The following PHKB variants were observed in gnomAD, a reference collection of about 807,000 sequenced individuals.
PHKB encodes the protein phosphorylase b kinase regulatory subunit beta.
A neutral mutation model predicts 152.1 loss-of-function variants in PHKB; 122 were observed. The observed-to-expected ratio is 0.80, with a 90% CI of 0.69 to 0.93. PHKB has a LOEUF of 0.93. Among genes scored for constraint, PHKB ranks in the 40% least tolerant of loss-of-function variants. The probability of loss-of-function intolerance (pLI) is 0.00; values close to 1 mark genes in which losing one functional copy is unlikely to be tolerated. For missense variants in PHKB, 1,304 were observed against 1,328.4 expected (o/e 0.98, Z 0.29); for synonymous variants, 436 against 464.9 (o/e 0.94, Z 0.80).
intron 6 of PHKB, among the ~76,000 whole-genome samples, chr16:47,546,282 G>A (rs1472265333): frequency 6.6e-6 from 1 of 152,154 alleles, no homozygotes; most frequent in Admixed American, 6.5e-5. Flanking sequence ...TGGTGTGGAT[G>A]TCCTTTTCGT....
At chr16:47,623,090 T>G (rs1972645369) in intron 14 of PHKB, among the ~76,000 whole-genome samples, 1 of 152,088 alleles carries the variant, frequency 6.6e-6, no homozygotes, top group Admixed American at 6.6e-5. Flanking sequence ...ACAATTGAAT[T>G]AATCTCTCTA....
At chr16:47,670,563 CACTGCA>C (rs1445670061) in intron 26 of PHKB, among the ~76,000 whole-genome samples, 2 of 152,148 alleles carry the variant, frequency 1.3e-5, no homozygotes, top group African/African-American at 4.8e-5. Flanking sequence ...GATCTCAGCT[CACTGCA>C]ACTGCCGCCT....
chr16:47,648,475 G>A (rs1973174322), intron 16 of PHKB, 58 bp from the exon 17 acceptor site: 6 of 1,132,172 alleles, frequency 5.3e-6, no homozygotes, highest in Middle Eastern at 2.0e-4. Flanking sequence ...AATACTCAGG[G>A]GTGAGAAAGT....
chr16:47,480,711 C>T (rs897126359), intron 1 of PHKB, among the ~76,000 whole-genome samples: 1 of 152,062 alleles, frequency 6.6e-6, no homozygotes, highest in African/African-American at 2.4e-5. Flanking sequence ...TTTTTTGCTG[C>T]AATAAAATTC....
At chr16:47,499,624 G>A in intron 2 of PHKB, 132 bp from the exon 3 acceptor site, 1 of 1,018,442 alleles carries the variant, frequency 9.8e-7, no homozygotes, top group Non-Finnish European at 1.5e-6. Context: ...ATCTTCAGAA[G>A]TATTGTACTA....
intron 1 of PHKB, among the ~76,000 whole-genome samples, chr16:47,489,106 C>G (rs183083887): frequency 6.6e-6 from 1 of 152,040 alleles, no homozygotes; most frequent in East Asian, 1.9e-4. Context: ...CAGGCTGGAG[C>G]GCAGTGGTGC....
chr16:47,470,804 C>G (rs1969752985), intron 1 of PHKB, among the ~76,000 whole-genome samples: 2 of 152,128 alleles, frequency 1.3e-5, no homozygotes. Flanking sequence ...TTCTAATTAA[C>G]TGATGTTTAT....
intron 7 of PHKB, among the ~76,000 whole-genome samples, chr16:47,573,239 G>T (rs1049632518): frequency 1.3e-5 from 2 of 152,130 alleles, no homozygotes; most frequent in African/African-American, 4.8e-5. Flanking sequence ...ATGTTACCCT[G>T]GGGAAACACT....
rs529026615 is a variant in PHKB at position 47,509,192 on chromosome 16, A to G, written c.406-2473A>G. On this transcript the variant is annotated intron_variant, in intron 4 of 30. Coordinates refer to ENST00000323584, the MANE Select transcript of PHKB (RefSeq NM_000293.3). ...AGAATAATATTCAGGACTTCAAGAT[A>G]ATAGTGCAAAAAGAGTGACCACATT... 7.9e-5 allele frequency among the ~76,000 whole-genome samples: 12 copies of G among 152,338 alleles called. No individual in the cohort carries two copies. The South Asian group carries it at 2.5e-3, about 32-fold the overall frequency.
rs550361466 is a variant in PHKB at position 47,692,641 on chromosome 16, TAAATA to T, written c.2766-734_2766-730del. 2.6e-4 allele frequency among the ~76,000 whole-genome samples: 39 copies of T among 152,062 alleles called. No homozygotes were observed. In the East Asian group the frequency reaches 7.3e-3, roughly 29 times the overall value. On this transcript the variant is annotated intron_variant, in intron 27 of 30. Coordinates refer to ENST00000323584, the MANE Select transcript of PHKB (RefSeq NM_000293.3). ...ATAAATAAATAAATAAATAAATAAA[TAAATA>T]AATGTATCTGTCCTTTCTTCAACTT...
intron 14 of PHKB, among the ~76,000 whole-genome samples, chr16:47,627,456 C>T (rs765516577): frequency 6.6e-6 from 1 of 152,190 alleles, no homozygotes; most frequent in Non-Finnish European, 1.5e-5. Context: ...TGTGACAAAG[C>T]GTTCGGTATT....
intron 20 of PHKB, among the ~76,000 whole-genome samples, chr16:47,653,975 C>T (rs1040705374): frequency 1.3e-5 from 2 of 152,190 alleles, no homozygotes; most frequent in Non-Finnish European, 2.9e-5. Flanking sequence ...AGATGACCCT[C>T]TTGAAAAGCT....
At chr16:47,653,063 T>G (rs1390310109) in intron 20 of PHKB, among the ~76,000 whole-genome samples, 2 of 152,162 alleles carry the variant, frequency 1.3e-5, no homozygotes, top group Non-Finnish European at 2.9e-5. Flanking sequence ...TAAGGTGATC[T>G]GATGGCAAAA....
Position 47,559,437 on chromosome 16 carries a change from T to C in PHKB, c.710+11889T>C, listed in dbSNP as rs1251222938. 2.0e-5 allele frequency among the ~76,000 whole-genome samples: 3 copies of C among 152,202 alleles called. No individual in the cohort carries two copies. The East Asian group carries it at 5.8e-4, about 29-fold the overall frequency. On this transcript the variant is annotated intron_variant, in intron 7 of 30. Coordinates refer to ENST00000323584, the MANE Select transcript of PHKB (RefSeq NM_000293.3). ...CAACAACAATCTTTTATTATTATTG[T>C]CTTACATTATTATTTATTATTAAGA...
rs570669801 is a variant in PHKB, at chr16:47,546,555, T to C, written c.595-878T>C. On this transcript the variant is annotated intron_variant, in intron 6 of 30. Transcript: ENST00000323584. ...GGACGTGTCTCCAAGTTAGGCTACA[T>C]GGGGGTCAGGGACCCACTTGAGGAG... Among the ~76,000 whole-genome samples, 645 of 152,286 alleles carry C rather than the reference T, an allele frequency of 4.2e-3. 6 individuals carry two copies. The highest frequency in any genetic ancestry group is 0.015 in the African/African-American group (606 of 41,576).
intron 1 of PHKB, chr16:47,462,899 AAGT>A (rs1969598990): frequency 6.6e-6 from 1 of 152,402 alleles, no homozygotes; most frequent in Admixed American, 6.5e-5. Flanking sequence ...TTTTTTCAAA[AAGT>A]AGTCCTTAGT....
In PHKB at chr16:47,699,400, T is replaced by C; in HGVS notation, c.*34T>C. ...GTGTAGGAAGCTCTGTTGAGACACA[T>C]GTTCTGAAGTGTGTTGTGTTTCATG... is the stretch of plus-strand genomic sequence containing the variant. On this transcript the variant is annotated 3_prime_UTR_variant, in exon 31 of 31. Coordinates refer to ENST00000323584, the MANE Select transcript of PHKB (RefSeq NM_000293.3). 1 of 1,609,908 alleles carries C rather than the reference T, an allele frequency of 6.2e-7. No homozygotes were observed. Among genetic ancestry groups the C allele is most frequent in the Non-Finnish European group, 8.5e-7 (1 of 1,176,098 alleles).
chr16:47,563,525 G>C (rs1597088319), intron 7 of PHKB, among the ~76,000 whole-genome samples: 1 of 151,988 alleles, frequency 6.6e-6, no homozygotes, highest in African/African-American at 2.4e-5. Context: ...TTACCAGTGG[G>C]CTTAAAATAT....
intron 20 of PHKB, among the ~76,000 whole-genome samples, chr16:47,658,280 A>G (rs1333447869): frequency 1.3e-5 from 2 of 152,098 alleles, no homozygotes; most frequent in African/African-American, 4.8e-5. Flanking sequence ...CATATCATTG[A>G]CTATAGTCCT....
Sources: allele counts gnomAD v4.1 joint callset (sites outside exome capture counted in the v4.1 genomes callset), GRCh38; gene constraint gnomAD v4.1.1; transcripts MANE v1.5; gene names NCBI Gene and HGNC (gene_info 2026-07-23, HGNC 2026-07-21).